XDH: variants seen among roughly 807,000 people sequenced by gnomAD.
XDH encodes xanthine dehydrogenase.
In XDH, 138 loss-of-function variants were observed where a neutral mutation model predicts 156.1. The ratio of observed to expected loss-of-function variants is 0.88; its 90% confidence interval spans 0.77 to 1.02. XDH has a LOEUF of 1.02. Among genes scored for constraint, XDH ranks in the 50% least tolerant of loss-of-function variants. The probability of loss-of-function intolerance (pLI) is 0.00; values close to 1 mark genes in which losing one functional copy is unlikely to be tolerated. For synonymous variants in XDH, 669 were observed against 625.7 expected, an observed-to-expected ratio of 1.07 and a Z score of -1.03; for missense variants, 1,849 against 1,684.9, an observed-to-expected ratio of 1.10 and a Z score of -1.71.
intron 1 of XDH, among the ~76,000 whole-genome samples, chr2:31,407,433 C>G (rs537070554): frequency 2.4e-4 from 36 of 152,200 alleles, no homozygotes; most frequent in Admixed American, 8.5e-4. Context: ...AAATCATTTC[C>G]CAAAATACAG....
chr2:31,373,953 A>G lies in XDH; in HGVS notation c.1606T>C (p.Cys536Arg). 6.2e-7 allele frequency: 1 copy of G among 1,613,356 alleles called. No homozygotes were observed. Among genetic ancestry groups the G allele is most frequent in the Non-Finnish European group, 8.5e-7 (1 of 1,179,598 alleles). ...GCGAAAGTGGGGTCCAGTTTACCACACTTCTGTGGAGACAAGAAAACAGAG... is the reference window on the plus strand; with the variant it reads ...GCGAAAGTGGGGTCCAGTTTACCACGCTTCTGTGGAGACAAGAAAACAGAG... ...KLGQENLEDK[C>R]GKLDPTFASA... is the part of the protein sequence containing the mutation. Residue 536 changes from cysteine to arginine, a missense_variant, in exon 16 of 36, where the codon TGT becomes CGT. Coordinates refer to ENST00000379416, the MANE Select transcript of XDH (RefSeq NM_000379.4).
chr2:31,404,986 C>T (rs1053639801), intron 2 of XDH, among the ~76,000 whole-genome samples: 3 of 152,178 alleles, frequency 2.0e-5, no homozygotes, highest in Non-Finnish European at 2.9e-5. Flanking sequence ...GTTTTGTTGA[C>T]AGAGGTCAGG....
chr2:31,387,709 G>T, intron 8 of XDH, 102 bp downstream of exon 8: 1 of 1,132,646 alleles, frequency 8.8e-7, no homozygotes, highest in Non-Finnish European at 1.3e-6. Flanking sequence ...AAACATAAAG[G>T]ACAAGAAAGA....
At chr2:31,349,121 A>T in intron 26 of XDH, 141 bp from the exon 27 acceptor site, 1 of 790,880 alleles carries the variant, frequency 1.3e-6, no homozygotes, top group Non-Finnish European at 2.1e-6. Flanking sequence ...AGCCCACACC[A>T]GGGGGTCTTG....
intron 8 of XDH, 127 bp downstream of exon 8, chr2:31,387,684 G>C: frequency 1.1e-6 from 1 of 912,780 alleles, no homozygotes; most frequent in South Asian, 1.6e-5. Context: ...GAAAATGGAA[G>C]GGAAATTTAA....
chr2:31,399,374 T>C (rs1445775251), intron 4 of XDH, among the ~76,000 whole-genome samples: 1 of 151,992 alleles, frequency 6.6e-6, no homozygotes. Context: ...AATTAGAGAC[T>C]GAGCAGAGGA....
chr2:31,346,036 T>C (rs1300811777), intron 30 of XDH, among the ~76,000 whole-genome samples: 4 of 152,186 alleles, frequency 2.6e-5, no homozygotes, highest in Non-Finnish European at 4.4e-5. Context: ...TTTAAATCTA[T>C]TGAGGAAGAT....
intron 14 of XDH, 125 bp from the exon 15 acceptor site, chr2:31,375,679 G>C: frequency 9.2e-7 from 1 of 1,082,002 alleles, no homozygotes; most frequent in Non-Finnish European, 1.3e-6. Flanking sequence ...TGGATACTTA[G>C]AGTTGGGTGA....
intron 35 of XDH, among the ~76,000 whole-genome samples, chr2:31,336,765 G>A (rs552093773): frequency 7.6e-6 from 1 of 131,582 alleles, no homozygotes; most frequent in Non-Finnish European, 1.6e-5. Flanking sequence ...CCCCACTTGG[G>A]ACCACATGTA....
rs778849120 is a variant in XDH, at chr2:31,405,962, C to T, written c.45G>A (p.Val15=). Residue 15 remains valine, a splice_region_variant and synonymous_variant, in exon 2 of 36, where the codon GTG becomes GTA. Transcript: ENST00000379416. ...KLVFFVNGRK[V]VEKNADPETT... is the part of the protein sequence containing the mutation. ...TCTCTGGATCTGCATTTTTCTCCAC[C>T]ACCTATTAAAATAAATGAAAGAAAA... 1 of 1,614,104 alleles carries T rather than the reference C, an allele frequency of 6.2e-7. No individual in the cohort carries two copies. The highest frequency in any genetic ancestry group is 1.1e-5 in the South Asian group (1 of 91,076).
rs1255316800 is a variant in XDH, at chr2:31,403,154, C to G, written c.101-10G>C. ...GTTCCACTCAGCCCCACTGGGTGGT[C>G]AAGAGTTAAGGAGAATGAACTCAGG... On this transcript the variant is annotated splice_polypyrimidine_tract_variant and intron_variant, in intron 2 of 35. Coordinates refer to ENST00000379416, the MANE Select transcript of XDH (RefSeq NM_000379.4). 6.2e-7 allele frequency: 1 copy of G among 1,613,776 alleles called. No homozygotes were observed. The highest frequency in any genetic ancestry group is 1.3e-5 in the African/African-American group (1 of 74,916).
At chr2:31,344,896 C>T (rs1685240049) in intron 30 of XDH, among the ~76,000 whole-genome samples, 160 bp from the exon 31 acceptor site, 1 of 152,200 alleles carries the variant, frequency 6.6e-6, no homozygotes, top group African/African-American at 2.4e-5. Context: ...ACTGGCACCA[C>T]CTGCACCAGG....
At chr2:31,349,095 C>G (rs1341189962) in intron 26 of XDH, 115 bp from the exon 27 acceptor site, 9 of 1,008,864 alleles carry the variant, frequency 8.9e-6, no homozygotes, top group Middle Eastern at 3.0e-4. Context: ...AAGATGAGAA[C>G]AGTCAGCTGG....
At chr2:31,372,688 C>A (rs1393557715) in intron 16 of XDH, among the ~76,000 whole-genome samples, 1 of 152,116 alleles carries the variant, frequency 6.6e-6, no homozygotes, top group Non-Finnish European at 1.5e-5. Context: ...TAGTATGCAA[C>A]CATTAAAACA....
intron 24 of XDH, among the ~76,000 whole-genome samples, chr2:31,355,658 T>A (rs1572522924): frequency 6.6e-6 from 1 of 151,334 alleles, no homozygotes; most frequent in Non-Finnish European, 1.5e-5. Flanking sequence ...AATGGAATAT[T>A]AAAAAAAATG....
rs755184467 is a variant in XDH at position 31,365,512 on chromosome 2, C to T, written c.2489G>A (p.Arg830His). Residue 830 changes from arginine (R) to histidine (H), a missense_variant, in exon 23 of 36, where the codon CGT (arginine) becomes CAT (histidine). Arg to His is a conservative substitution (Grantham distance 29). Coordinates refer to ENST00000379416, the MANE Select transcript of XDH (RefSeq NM_000379.4). ...ACCAGTTATCAGCATGTCCTCATCA[C>T]GGTCCAGCATGCATCGCACAGGGCG... ...TGRPVRCMLD[R>H]DEDMLITGGR... is the part of the protein sequence containing the mutation. The T allele has an allele frequency of 8.1e-6, 13 of 1,614,040 alleles. No homozygotes were observed. Among genetic ancestry groups the T allele is most frequent in the East Asian group, 4.5e-5 (2 of 44,878 alleles).
intron 34 of XDH, among the ~76,000 whole-genome samples, chr2:31,338,945 G>C (rs1343388163): frequency 6.6e-6 from 1 of 151,598 alleles, no homozygotes; most frequent in Non-Finnish European, 1.5e-5. Flanking sequence ...GGCTGGTCTC[G>C]AACTTCTGAG....
At position 31,349,829 on chromosome 2, in the gene XDH, C is replaced by T. The variant is rs768013016; in HGVS notation, c.2826G>A (p.Val942=). 1.9e-5 allele frequency: 30 copies of T among 1,613,988 alleles called. 1 individual carries two copies. In the South Asian group the frequency reaches 3.1e-4, roughly 17 times the overall value. ...CTTCTTTGTACAGGTTTTTTCTCCG[C>T]ACCTTCCCAAGGAGAGAGACACAGA... ...AVTCGMPAEE[V]RRKNLYKEGD... The change falls in exon 26 of 36, where the codon GTG becomes GTA. Residue 942 remains valine, a splice_region_variant and synonymous_variant. Coordinates refer to ENST00000379416, the MANE Select transcript of XDH (RefSeq NM_000379.4).
intron 24 of XDH, among the ~76,000 whole-genome samples, chr2:31,357,311 G>T (rs1055842670): frequency 6.6e-6 from 1 of 152,034 alleles, no homozygotes; most frequent in African/African-American, 2.4e-5. Flanking sequence ...AAAAACCCGG[G>T]TCTTTAAAAA....
Sources: gnomAD v4.1 joint callset for allele counts (sites outside exome capture counted in the v4.1 genomes callset) on GRCh38, gnomAD v4.1.1 for gene constraint, MANE v1.5 for transcripts, NCBI Gene and HGNC (gene_info 2026-07-23, HGNC 2026-07-21) for gene names.